PTPRO: variants seen among roughly 807,000 people sequenced by gnomAD.
The protein encoded by PTPRO is protein tyrosine phosphatase receptor type O.
A neutral mutation model predicts 145.2 loss-of-function variants in PTPRO; 62 were observed. The ratio of observed to expected loss-of-function variants is 0.43; its 90% CI spans 0.35 to 0.53. The LOEUF is 0.53. PTPRO is among the 20% of genes least tolerant of loss of function. The probability of loss-of-function intolerance (pLI) is 0.01; values close to 1 mark genes in which losing one functional copy is unlikely to be tolerated. For missense variants in PTPRO, 1,345 were observed against 1,482.7 expected (o/e 0.91, Z 1.53); for synonymous variants, 565 against 514.7 (o/e 1.10, Z -1.32).
At chr12:15,352,298 C>T (rs1171704953) in intron 1 of PTPRO, among the ~76,000 whole-genome samples, 2 of 152,022 alleles carry the variant, frequency 1.3e-5, no homozygotes, top group Admixed American at 1.3e-4. Flanking sequence ...CAGGAAGGCA[C>T]TATTTTCAAA....
chr12:15,493,249 CA>C (rs1328387712), intron 2 of PTPRO, among the ~76,000 whole-genome samples: 2 of 152,060 alleles, frequency 1.3e-5, no homozygotes, highest in East Asian at 3.9e-4. Context: ...CCAGATACAT[CA>C]AGAATAAACC....
chr12:15,467,409 A>AGTGTGTGT (rs71042254), intron 1 of PTPRO, among the ~76,000 whole-genome samples: 11,860 of 150,040 alleles, frequency 0.079, 508 homozygotes, highest in Non-Finnish European at 0.11. Flanking sequence ...GGTAGGGGTG[A>AGTGTGTGT]GTGTGTGTGT....
At chr12:15,580,529 T>C (rs1944287353) in intron 21 of PTPRO, among the ~76,000 whole-genome samples, 168 bp from the exon 22 acceptor site, 1 of 152,240 alleles carries the variant, frequency 6.6e-6, no homozygotes, top group African/African-American at 2.4e-5. Context: ...TTATGGTCAG[T>C]TATTCTGATA....
At chr12:15,345,880 C>G (rs576875014) in intron 1 of PTPRO, among the ~76,000 whole-genome samples, 2 of 152,056 alleles carry the variant, frequency 1.3e-5, no homozygotes, top group Non-Finnish European at 2.9e-5. Flanking sequence ...TCTTTTTTCC[C>G]CTAGCTTACA....
At chr12:15,501,531 C>G in intron 4 of PTPRO, 89 bp from the exon 5 acceptor site, 1 of 1,197,898 alleles carries the variant, frequency 8.3e-7, no homozygotes, top group Non-Finnish European at 1.2e-6. Context: ...TTTTAAAAAT[C>G]TGCTTGTGTA....
rs1482855303 is a variant in PTPRO at position 15,349,073 on chromosome 12, A to C, written c.75+26272A>C. 9.8e-5 allele frequency among the ~76,000 whole-genome samples: 15 copies of C among 152,314 alleles called. No homozygotes were observed. In the South Asian group the frequency reaches 3.1e-3, roughly 32 times the overall value. ...TAGAATAGTCTGACCTGCAAAACAGATTTATGGAACAAGTAATACCGATAC... is the reference window on the plus strand; with the variant it reads ...TAGAATAGTCTGACCTGCAAAACAGCTTTATGGAACAAGTAATACCGATAC... On this transcript the variant is annotated intron_variant, in intron 1 of 26. Coordinates refer to ENST00000281171, the MANE Select transcript of PTPRO (RefSeq NM_030667.3).
At chr12:15,474,994 T>G (rs1941622629) in intron 1 of PTPRO, among the ~76,000 whole-genome samples, 1 of 152,230 alleles carries the variant, frequency 6.6e-6, no homozygotes, top group African/African-American at 2.4e-5. Context: ...TTTGGCAACC[T>G]GGAAGTGCAT....
intron 1 of PTPRO, among the ~76,000 whole-genome samples, chr12:15,400,426 C>T (rs1311187794): frequency 2.0e-5 from 3 of 152,152 alleles, no homozygotes; most frequent in African/African-American, 4.8e-5. Flanking sequence ...TCAATCTCAC[C>T]GTCATTTCTT....
Position 15,508,755 on chromosome 12 carries a change from G to A in PTPRO, c.1452G>A (p.Gln484=), listed in dbSNP as rs1471870676. The A allele has an allele frequency of 1.2e-6, 2 of 1,613,928 alleles. No individual in the cohort carries two copies. The highest frequency in any genetic ancestry group is 1.7e-6 in the Non-Finnish European group (2 of 1,179,990). The change falls in exon 7 of 27, where the codon CAG becomes CAA. Residue 484 remains glutamine, a synonymous_variant. Coordinates refer to ENST00000281171, the MANE Select transcript of PTPRO (RefSeq NM_030667.3). The part of the protein sequence containing the change: ...KQKESQRLEK[Q]YCTQVNSSKP... Reference sequence around the variant, plus strand: ...AGGAGAGCCAGAGGCTTGAAAAGCAGTACTGCACTCAGGTAAAGGAGAGGA... The same window carrying A: ...AGGAGAGCCAGAGGCTTGAAAAGCAATACTGCACTCAGGTAAAGGAGAGGA...
chr12:15,586,817 A>G (rs1944438724), intron 23 of PTPRO, 80 bp from the exon 24 acceptor site: 3 of 1,543,800 alleles, frequency 1.9e-6, no homozygotes, highest in Non-Finnish European at 2.7e-6. Context: ...ACCTTTTTGC[A>G]TGCTTAACTA....
At position 15,541,348 on chromosome 12, in the gene PTPRO, G is replaced by A. The variant is rs183848506; in HGVS notation, c.2165-5221G>A. ...ATCCTTCTGCTTTAGAAGACTGACT[G>A]TATTTGATATTTTATAGGGTTTTTT... On this transcript the variant is annotated intron_variant, in intron 12 of 26. Transcript: ENST00000281171. Among the ~76,000 whole-genome samples the A allele has an allele frequency of 4.6e-5, 7 of 152,258 alleles. No homozygotes were observed. In the East Asian group the frequency reaches 1.4e-3, roughly 29 times the overall value.
chr12:15,521,385 A>G (rs1732039103), intron 10 of PTPRO, among the ~76,000 whole-genome samples: 2 of 152,226 alleles, frequency 1.3e-5, no homozygotes, highest in South Asian at 4.1e-4. Flanking sequence ...ATACCCAAAA[A>G]GGAGAAAATA....
intron 1 of PTPRO, among the ~76,000 whole-genome samples, chr12:15,472,659 C>G (rs1206322573): frequency 6.6e-6 from 1 of 152,230 alleles, no homozygotes; most frequent in Admixed American, 6.5e-5. Context: ...GTCCGTGGCA[C>G]TGAACAGTTC....
chr12:15,591,856 C>T (rs992444275), intron 25 of PTPRO, among the ~76,000 whole-genome samples: 7 of 150,500 alleles, frequency 4.7e-5, no homozygotes, highest in South Asian at 2.1e-4. Context: ...AGCAAGACTC[C>T]GTCTCAAAAA....
In PTPRO at chr12:15,525,776, C is replaced by T. The variant is rs78232171; in HGVS notation, c.2044-366C>T. Among the ~76,000 whole-genome samples the T allele has an allele frequency of 6.4e-4, 97 of 152,284 alleles. 1 individual carries two copies. In the East Asian group the frequency reaches 0.018, roughly 29 times the overall value. ...TGTTAGGTAGGAAGCCACACGTCTA[C>T]AGATATGGGTAGGTTTCTTTTGAAC... is the stretch of plus-strand genomic sequence containing the variant. On this transcript the variant is annotated intron_variant, in intron 11 of 26. Transcript: ENST00000281171.
chr12:15,440,093 G>A, intron 1 of PTPRO: 1 of 632,062 alleles, frequency 1.6e-6, no homozygotes, highest in Non-Finnish European at 2.9e-6. Context: ...CTGCAGCTCT[G>A]TGCTGGTGCA....
chr12:15,570,075 C>CT (rs1565436163), intron 19 of PTPRO, among the ~76,000 whole-genome samples: 3 of 152,306 alleles, frequency 2.0e-5, no homozygotes, highest in Non-Finnish European at 1.5e-5. Context: ...GACAACATCT[C>CT]TTTTTTTCCG....
chr12:15,346,765 G>C (rs1380591144), intron 1 of PTPRO: 1 of 152,168 alleles, frequency 6.6e-6, no homozygotes, highest in Non-Finnish European at 1.5e-5. Flanking sequence ...ATGGAATAGA[G>C]TAACATGAAA....
chr12:15,372,567 A>AT (rs1255201404), intron 1 of PTPRO, among the ~76,000 whole-genome samples: 3 of 152,124 alleles, frequency 2.0e-5, no homozygotes, highest in Non-Finnish European at 2.9e-5. Flanking sequence ...ATTTTGTGGG[A>AT]TTTTTTCTTT....
Sources: gnomAD v4.1 joint callset for allele counts (sites outside exome capture counted in the v4.1 genomes callset) on GRCh38, gnomAD v4.1.1 for gene constraint, MANE v1.5 for transcripts, NCBI Gene and HGNC (gene_info 2026-07-23, HGNC 2026-07-21) for gene names.